NEK6: variants seen among roughly 807,000 people sequenced by gnomAD.
NEK6 encodes the protein serine/threonine-protein kinase Nek6.
Under a neutral mutation model 43.5 loss-of-function variants are expected in NEK6, and 27 were observed. The observed-to-expected ratio is 0.62, with a 90% CI of 0.46 to 0.86. The LOEUF (loss-of-function observed/expected upper bound fraction) is 0.86. NEK6 is among the 40% of genes least tolerant of loss of function. The pLI is 0.00. For synonymous variants in NEK6, 167 were observed against 164.1 expected, an observed-to-expected ratio of 1.02 and a Z score of -0.14; for missense variants, 318 against 414.4, an observed-to-expected ratio of 0.77 and a Z score of 2.02.
intron 8 of NEK6, among the ~76,000 whole-genome samples, chr9:124,346,423 A>G (rs183487028): frequency 6.6e-6 from 1 of 152,268 alleles, no homozygotes; most frequent in African/African-American, 2.4e-5. Context: ...GGGCGCGAGG[A>G]CAAGCGACGG....
intron 7 of NEK6, among the ~76,000 whole-genome samples, chr9:124,329,026 C>T (rs746593614): frequency 2.0e-5 from 3 of 152,206 alleles, no homozygotes; most frequent in Non-Finnish European, 4.4e-5. Flanking sequence ...TCCGAGGTCA[C>T]ATGGCAGCAG....
intron 8 of NEK6, among the ~76,000 whole-genome samples, chr9:124,344,604 C>T (rs1014234366): frequency 3.3e-5 from 5 of 152,252 alleles, no homozygotes; most frequent in African/African-American, 7.2e-5. Flanking sequence ...ATCGGAAGGC[C>T]GGGCTCTGTT....
chr9:124,347,697 C>A lies in NEK6; in HGVS notation c.718-12C>A. ...GCCGAAAGCTTATCTTCGTTGTTCC[C>A]GTCCCTTGCAGATGGCAGCCCTCCA... is the stretch of plus-strand genomic sequence containing the variant. On this transcript the variant is annotated splice_polypyrimidine_tract_variant and intron_variant, in intron 8 of 9. Coordinates refer to ENST00000320246, the MANE Select transcript of NEK6 (RefSeq NM_014397.6). The A allele has an allele frequency of 6.5e-7, 1 of 1,543,344 alleles. No individual in the cohort carries two copies. Among genetic ancestry groups the A allele is most frequent in the Non-Finnish European group, 8.9e-7 (1 of 1,127,446 alleles).
At chr9:124,312,354 T>G (rs984867725) in intron 2 of NEK6, among the ~76,000 whole-genome samples, 155 bp from the exon 3 acceptor site, 1 of 151,990 alleles carries the variant, frequency 6.6e-6, no homozygotes, top group African/African-American at 2.4e-5. Context: ...GAAAGCCCCC[T>G]GGGGGGGTGC....
rs1016570478 is a variant in NEK6, at chr9:124,351,804, C to A, written c.*857C>A. 1.1e-4 allele frequency: 16 copies of A among 152,354 alleles called. No homozygotes were observed. The highest frequency in any genetic ancestry group is 3.6e-4 in the African/African-American group (15 of 41,576). 9.4% of individuals were successfully genotyped at this position (152,354 alleles called of 1,614,324 possible). ...AAGTTTCTTAGCCGTTCTGAGCCTTCATTTCCTCATCTGTACAATGAGATT... is the reference window on the plus strand; with the variant it reads ...AAGTTTCTTAGCCGTTCTGAGCCTTAATTTCCTCATCTGTACAATGAGATT... On this transcript the variant is annotated 3_prime_UTR_variant, in exon 10 of 10. Transcript: ENST00000320246.
At chr9:124,300,328 G>T (rs750531535) in intron 1 of NEK6, among the ~76,000 whole-genome samples, 6 of 152,196 alleles carry the variant, frequency 3.9e-5, no homozygotes, top group Non-Finnish European at 8.8e-5. Flanking sequence ...CTAGGAGCTG[G>T]CTGTGACAGC....
intron 2 of NEK6, among the ~76,000 whole-genome samples, chr9:124,308,620 C>A (rs181652351): frequency 6.6e-6 from 1 of 150,778 alleles, no homozygotes; most frequent in East Asian, 2.0e-4. Context: ...CGCGCCACAG[C>A]GCTCCAGCCT....
At chr9:124,272,955 A>G (rs1831508775) in intron 1 of NEK6, among the ~76,000 whole-genome samples, 1 of 152,122 alleles carries the variant, frequency 6.6e-6, no homozygotes, top group South Asian at 2.1e-4. Flanking sequence ...GGCAGCAGAA[A>G]AACCAAAGAT....
intron 1 of NEK6, among the ~76,000 whole-genome samples, chr9:124,260,763 C>T (rs1299210103): frequency 6.6e-6 from 1 of 152,184 alleles, no homozygotes; most frequent in East Asian, 1.9e-4. Flanking sequence ...ACCCAGTCCA[C>T]TCACCAACAC....
upstream of NEK6, chr9:124,257,680 G>T (rs1830860797): frequency 6.5e-6 from 10 of 1,533,606 alleles, no homozygotes; most frequent in Non-Finnish European, 8.7e-6. Context: ...CTCATCATAA[G>T]TCTAGAGCCG....
At chr9:124,282,019 A>G (rs1831935042) in intron 1 of NEK6, among the ~76,000 whole-genome samples, 1 of 152,330 alleles carries the variant, frequency 6.6e-6, no homozygotes, top group African/African-American at 2.4e-5. Flanking sequence ...TCATGGCCAC[A>G]CGTGAGCCCC....
rs962006040 is a variant in NEK6 at position 124,329,652 on chromosome 9, G to A, written c.622+2207G>A. Among the ~76,000 whole-genome samples, 5 of 152,226 alleles carry A rather than the reference G, an allele frequency of 3.3e-5. No individual in the cohort carries two copies. The South Asian group carries it at 8.3e-4, about 25-fold the overall frequency. On this transcript the variant is annotated intron_variant, in intron 7 of 9. Transcript: ENST00000320246. Reference sequence around the variant, plus strand: ...ATGCCCAATGAGCTGAGGCCTGCACGGAGCTGAGCAAGTCCCTGCCAGCAG... The same window carrying A: ...ATGCCCAATGAGCTGAGGCCTGCACAGAGCTGAGCAAGTCCCTGCCAGCAG...
At chr9:124,346,732 TGAG>T (rs1188363319) in intron 8 of NEK6, among the ~76,000 whole-genome samples, 1 of 152,102 alleles carries the variant, frequency 6.6e-6, no homozygotes, top group African/African-American at 2.4e-5. Context: ...CACACCCCCT[TGAG>T]GAGTCCCCTG....
chr9:124,303,174 A>C (rs1201270879), intron 2 of NEK6, among the ~76,000 whole-genome samples: 3 of 152,208 alleles, frequency 2.0e-5, no homozygotes, highest in Non-Finnish European at 4.4e-5. Flanking sequence ...GCAGAGCCAG[A>C]TCCTGTAGGG....
At chr9:124,340,912 C>T (rs41274370) in intron 8 of NEK6, among the ~76,000 whole-genome samples, 10,679 of 152,312 alleles carry the variant, frequency 0.07, 967 homozygotes, top group East Asian at 0.45. Flanking sequence ...GTGGGACCCG[C>T]GGCCGCTCTC....
intron 2 of NEK6, 47 bp downstream of exon 2, chr9:124,302,101 A>G: frequency 7.2e-7 from 1 of 1,386,746 alleles, no homozygotes; most frequent in Non-Finnish European, 9.9e-7. Context: ...GTTCCCAAGG[A>G]ATACGGATCC....
intron 8 of NEK6, among the ~76,000 whole-genome samples, chr9:124,341,443 C>T (rs550011076): frequency 1.9e-4 from 1 of 5,392 alleles, no homozygotes; most frequent in African/African-American, 3.8e-4. Context: ...AGGGTGGGAC[C>T]CCTTCTCCCA....
chr9:124,258,199 C>T (rs1198294588), intron 1 of NEK6, 114 bp downstream of exon 1: 15 of 975,348 alleles, frequency 1.5e-5, no homozygotes, highest in Non-Finnish European at 1.7e-5. Context: ...CGCGCGCCCA[C>T]GGCTCCGCGG....
At chr9:124,291,703 TG>T in intron 1 of NEK6, 1 of 355,820 alleles carries the variant, frequency 2.8e-6, no homozygotes, top group Non-Finnish European at 3.9e-6. Context: ...TGTGGATAGG[TG>T]GGGAGCGAGC....
Sources: gnomAD v4.1 joint callset for allele counts (sites outside exome capture counted in the v4.1 genomes callset) on GRCh38, gnomAD v4.1.1 for gene constraint, MANE v1.5 for transcripts, NCBI Gene and HGNC (gene_info 2026-07-23, HGNC 2026-07-21) for gene names.